The following KCNT2 variants were observed in gnomAD, a reference collection of about 807,000 sequenced individuals.
The protein encoded by KCNT2 is potassium channel subfamily T member 2.
KCNT2 carries 67 observed loss-of-function variants against 153.8 expected under a neutral mutation model. That is an observed-to-expected ratio of 0.44 (90% CI 0.36 to 0.53). The LOEUF (loss-of-function observed/expected upper bound fraction) is 0.53. Among genes scored for constraint, KCNT2 ranks in the 20% least tolerant of loss-of-function variants. KCNT2 has a pLI of 0.00. For synonymous variants in KCNT2, 500 were observed against 458.8 expected (o/e 1.09, Z -1.15); for missense variants, 975 against 1,354.8 (o/e 0.72, Z 4.40).
chr1:196,384,471 C>T (rs751844859), intron 13 of KCNT2, among the ~76,000 whole-genome samples: 1 of 152,040 alleles, frequency 6.6e-6, no homozygotes, highest in Non-Finnish European at 1.5e-5. Flanking sequence ...GTGGGCGGAT[C>T]ACTTGAGGTC....
intron 14 of KCNT2, among the ~76,000 whole-genome samples, chr1:196,356,740 C>G (rs1477880287): frequency 6.6e-6 from 1 of 151,760 alleles, no homozygotes; most frequent in Non-Finnish European, 1.5e-5. Context: ...TGTTCTGACT[C>G]TAGTGTCTAC....
intron 1 of KCNT2, among the ~76,000 whole-genome samples, chr1:196,554,541 A>C (rs1398600337): frequency 6.6e-6 from 1 of 151,248 alleles, no homozygotes; most frequent in East Asian, 1.9e-4. Context: ...CCATGGCTTC[A>C]CTGCTGAATT....
At chr1:196,565,027 A>T (rs1659913266) in intron 1 of KCNT2, among the ~76,000 whole-genome samples, 1 of 151,814 alleles carries the variant, frequency 6.6e-6, no homozygotes, top group Non-Finnish European at 1.5e-5. Context: ...AAAGTAAAAG[A>T]CAATCTACAG....
chr1:196,477,777 C>T (rs965705887), intron 5 of KCNT2, among the ~76,000 whole-genome samples: 1 of 152,146 alleles, frequency 6.6e-6, no homozygotes, highest in Non-Finnish European at 1.5e-5. Flanking sequence ...TTCTATTATT[C>T]CTCCAAAACC....
At chr1:196,465,505 T>C in intron 7 of KCNT2, 118 bp from the exon 8 acceptor site, 2 of 640,986 alleles carry the variant, frequency 3.1e-6, no homozygotes, top group Non-Finnish European at 5.6e-6. Flanking sequence ...CATACATATG[T>C]AAATACATGT....
At chr1:196,288,670 G>A (rs138672146) in intron 22 of KCNT2, among the ~76,000 whole-genome samples, 1 of 152,088 alleles carries the variant, frequency 6.6e-6, no homozygotes, top group Admixed American at 6.6e-5. Context: ...AAGAGGATAT[G>A]ATGATTGAAT....
chr1:196,367,917 C>G (rs146111737), intron 14 of KCNT2, among the ~76,000 whole-genome samples: 2 of 152,248 alleles, frequency 1.3e-5, no homozygotes, highest in African/African-American at 4.8e-5. Flanking sequence ...CTTCCATCTT[C>G]TTACCTAGAA....
At chr1:196,599,317 TCA>T (rs1664447044) in intron 1 of KCNT2, among the ~76,000 whole-genome samples, 1 of 152,262 alleles carries the variant, frequency 6.6e-6, no homozygotes, top group Admixed American at 6.5e-5. Context: ...TTATCCCTAT[TCA>T]CACAGTGATT....
intron 12 of KCNT2, among the ~76,000 whole-genome samples, chr1:196,408,880 A>T (rs4449974): frequency 6.6e-6 from 1 of 151,586 alleles, no homozygotes; most frequent in Non-Finnish European, 1.5e-5. Flanking sequence ...AATTAGATCA[A>T]GCTGGTGATA....
chr1:196,571,646 C>A (rs1389512345), intron 1 of KCNT2, among the ~76,000 whole-genome samples: 1 of 152,026 alleles, frequency 6.6e-6, no homozygotes, highest in Non-Finnish European at 1.5e-5. Flanking sequence ...CAATCATGCC[C>A]TAATGCATAT....
chr1:196,275,571 C>T (rs1230474466), intron 25 of KCNT2, among the ~76,000 whole-genome samples: 1 of 151,872 alleles, frequency 6.6e-6, no homozygotes, highest in Non-Finnish European at 1.5e-5. Flanking sequence ...AGTGCTTTCC[C>T]ACTCCCACAG....
Position 196,379,565 on chromosome 1 carries a change from T to TTCTCTCTC in KCNT2, c.1295-6325_1295-6318dup, listed in dbSNP as rs67709356. On this transcript the variant is annotated intron_variant, in intron 13 of 27. Transcript: ENST00000294725. ...CCAGCCTAGGTAATACAGTGAGACT[T>TTCTCTCTC]TCTCTCTCTCTCTCTCTCTCTCTCT... Among the ~76,000 whole-genome samples the TTCTCTCTC allele has an allele frequency of 8.1e-3, 1,109 of 136,202 alleles. 11 individuals are homozygous for TTCTCTCTC. Among genetic ancestry groups the TTCTCTCTC allele is most frequent in the South Asian group, 0.02 (78 of 3,862 alleles). The allele number at this position is 136,202 out of a possible 152,430, so 89.4% of individuals were successfully genotyped here.
At chr1:196,586,219 C>G (rs979707813) in intron 1 of KCNT2, among the ~76,000 whole-genome samples, 3 of 152,076 alleles carry the variant, frequency 2.0e-5, no homozygotes, top group Admixed American at 6.6e-5. Context: ...AGCTGAGATT[C>G]TGCTGCTACA....
At position 196,407,318 on chromosome 1, in the gene KCNT2, G is replaced by A. The variant is rs773611347; in HGVS notation, c.1186-8647C>T. ...AAAGAGGTCAGGTTATCTTGACGGC[G>A]TGTAACTGAAGTCCAGGGATGTACA... On this transcript the variant is annotated intron_variant, in intron 12 of 27. Transcript: ENST00000294725. 4.0e-5 allele frequency among the ~76,000 whole-genome samples: 6 copies of A among 151,412 alleles called. No homozygotes were observed. In the East Asian group the frequency reaches 5.8e-4, roughly 15 times the overall value.
Position 196,284,248 on chromosome 1 carries a change from A to AAAAAATATATAT in KCNT2, c.2697+1408_2697+1409insATATATATTTTT. ...TCTGTCTTAAAAAAAAAAAAAAAAAAATATATATATATATATATATATATA... is the reference window on the plus strand; with the variant it reads ...TCTGTCTTAAAAAAAAAAAAAAAAAAAAAAATATATATATATATATATATATATATATATATA... On this transcript the variant is annotated intron_variant, in intron 23 of 27. Transcript: ENST00000294725. Among the ~76,000 whole-genome samples the AAAAAATATATAT allele has an allele frequency of 1.6e-3, 16 of 10,048 alleles. 3 individuals are homozygous for AAAAAATATATAT. Among genetic ancestry groups the AAAAAATATATAT allele is most frequent in the Non-Finnish European group, 6.4e-3 (12 of 1,882 alleles). 6.6% of individuals were successfully genotyped at this position (10,048 alleles called of 152,430 possible).
At chr1:196,259,209 A>G (rs1263493387) in intron 25 of KCNT2, among the ~76,000 whole-genome samples, 2 of 152,128 alleles carry the variant, frequency 1.3e-5, no homozygotes, top group Non-Finnish European at 2.9e-5. Context: ...CAGACTTAAA[A>G]CAGGCTGTTC....
chr1:196,397,142 CCT>C (rs895426643), intron 13 of KCNT2, among the ~76,000 whole-genome samples: 2 of 151,324 alleles, frequency 1.3e-5, no homozygotes, highest in Non-Finnish European at 3.0e-5. Context: ...AATCTGCCTA[CCT>C]GTCTTAAGTG....
chr1:196,288,664 G>C (rs1445793375), intron 22 of KCNT2, among the ~76,000 whole-genome samples: 2 of 152,056 alleles, frequency 1.3e-5, no homozygotes, highest in Admixed American at 1.3e-4. Flanking sequence ...AATTTTAAGA[G>C]GATATGATGA....
At chr1:196,414,820 C>G (rs1346160648) in intron 12 of KCNT2, among the ~76,000 whole-genome samples, 1 of 151,852 alleles carries the variant, frequency 6.6e-6, no homozygotes, top group East Asian at 1.9e-4. Flanking sequence ...ATCTGACAGT[C>G]TTTAGACAAG....
Sources: allele counts gnomAD v4.1 joint callset (sites outside exome capture counted in the v4.1 genomes callset), GRCh38; gene constraint gnomAD v4.1.1; transcripts MANE v1.5; gene names NCBI Gene and HGNC (gene_info 2026-07-23, HGNC 2026-07-21).